Variants in GRIK5 observed in about 807,000 individuals in gnomAD.
GRIK5 encodes the protein glutamate receptor ionotropic, kainate 5.
Under a neutral mutation model 97.4 loss-of-function variants are expected in GRIK5, and 43 were observed. That is an observed-to-expected ratio of 0.44 (90% confidence interval 0.35 to 0.57). The LOEUF is 0.57. GRIK5 is among the 20% of genes least tolerant of loss of function. GRIK5 has a pLI of 0.01. For synonymous variants in GRIK5, 580 were observed against 583.5 expected, an observed-to-expected ratio of 0.99 and a Z score of 0.09; for missense variants, 1,015 against 1,382.0, an observed-to-expected ratio of 0.73 and a Z score of 4.21.
chr19:42,016,440 A>G (rs1599761483), intron 15 of GRIK5, among the ~76,000 whole-genome samples: 1 of 152,290 alleles, frequency 6.6e-6, no homozygotes, highest in East Asian at 1.9e-4. Flanking sequence ...AAAAATAAAA[A>G]CAAAACAACA....
chr19:42,060,139 C>A (rs1185930187), intron 5 of GRIK5, among the ~76,000 whole-genome samples: 2 of 152,004 alleles, frequency 1.3e-5, no homozygotes, highest in Non-Finnish European at 2.9e-5. Flanking sequence ...AAAGTCCTCA[C>A]AGCCTCCAAA....
In GRIK5 at chr19:42,042,231, C is replaced by T. The variant is rs1206908376; in HGVS notation, c.1473+321G>A. Among the ~76,000 whole-genome samples, 1 of 152,230 alleles carries T rather than the reference C, an allele frequency of 6.6e-6. No homozygotes were observed. The highest frequency in any genetic ancestry group is 1.5e-5 in the Non-Finnish European group (1 of 68,038). ...TTTGACCTCCTCAGACCTTTTCCTG[C>T]TCCCCACTCCATGTCTCTTTCATTC... On this transcript the variant is annotated intron_variant, in intron 12 of 19. Transcript: ENST00000593562. The surrounding 1 kb of genome is among the most constrained non-coding windows in gnomAD (Gnocchi z 6.9).
chr19:42,046,353 G>A (rs761379876), intron 11 of GRIK5, among the ~76,000 whole-genome samples: 2 of 152,172 alleles, frequency 1.3e-5, no homozygotes, highest in Admixed American at 6.5e-5. Flanking sequence ...TAGAGTCACA[G>A]ACTATCAGAA....
Position 42,065,002 on chromosome 19 carries a change from C to A in GRIK5, c.244+221G>T, listed in dbSNP as rs1000216271. Among the ~76,000 whole-genome samples the A allele has an allele frequency of 5.3e-5, 8 of 152,254 alleles. No homozygotes were observed. The highest frequency in any genetic ancestry group is 1.9e-4 in the African/African-American group (8 of 41,464). On this transcript the variant is annotated intron_variant, in intron 3 of 19. Transcript: ENST00000593562. This position sits in a 1 kb window ranked among gnomAD's most constrained non-coding sequence, Gnocchi z 5.8. ...TAGGGCTTATCTTTTCAACGCCGCC[C>A]CGTGCTCCTCCAGAGCAGAACTGGG...
rs1412508295 is a variant in GRIK5 at position 42,065,530 on chromosome 19, G to C, written c.80-143C>G. The stretch of plus-strand genomic sequence containing the variant: ...CTGGATCTGAGGTTGGTGGGAGCTA[G>C]GGGTCTGGACTCCTGGGTCCTGGGG... On this transcript the variant is annotated intron_variant, in intron 2 of 19. Transcript: ENST00000593562. This position sits in a 1 kb window ranked among gnomAD's most constrained non-coding sequence, Gnocchi z 5.8. The C allele has an allele frequency of 3.0e-6, 3 of 1,001,478 alleles. No homozygotes were observed. Among genetic ancestry groups the C allele is most frequent in the African/African-American group, 1.6e-5 (1 of 61,496 alleles). The allele number at this position is 1,001,478 out of a possible 1,614,324, so 62.0% of individuals were successfully genotyped here.
rs2076281032 is a variant in GRIK5, at chr19:42,062,983, A to C, written c.245-128T>G. The C allele has an allele frequency of 1.5e-6, 1 of 686,470 alleles. No individual in the cohort carries two copies. Among genetic ancestry groups the C allele is most frequent in the African/African-American group, 1.8e-5 (1 of 56,334 alleles). The allele number at this position is 686,470 out of a possible 1,614,324, so 42.5% of individuals were successfully genotyped here. ...GGCAACTGCCTGATCCTCTTCTGCC[A>C]TCCGGGACCCAGAAGGCCAGTCTCT... On this transcript the variant is annotated intron_variant, in intron 3 of 19. Transcript: ENST00000593562. The surrounding 1 kb of genome is among the most constrained non-coding windows in gnomAD (Gnocchi z 5.3).
intron 12 of GRIK5, among the ~76,000 whole-genome samples, chr19:42,023,378 T>A (rs1438917553): frequency 6.6e-6 from 1 of 152,130 alleles, no homozygotes; most frequent in Non-Finnish European, 1.5e-5. Flanking sequence ...GGAGCTTCCA[T>A]CCCCTTTGTT....
Position 42,062,513 on chromosome 19 carries a change from G to A in GRIK5, c.483C>T (p.Ala161=), listed in dbSNP as rs753898719. The A allele has an allele frequency of 1.9e-6, 3 of 1,614,148 alleles. No homozygotes were observed. Among genetic ancestry groups the A allele is most frequent in the Non-Finnish European group, 2.5e-6 (3 of 1,180,006 alleles). The change falls in exon 5 of 20, where the codon GCC becomes GCT. Residue 161 remains alanine, a synonymous_variant. Coordinates refer to ENST00000593562, the MANE Select transcript of GRIK5 (RefSeq NM_002088.5). The surrounding 1 kb of genome is among the most constrained non-coding windows in gnomAD (Gnocchi z 5.3). Reference sequence around the variant, plus strand: ...ACTCAGCCTTGGCGCAGATGAGGCTGGCCGAGGGGTAGTTGAAGGACTTGA... The same window carrying A: ...ACTCAGCCTTGGCGCAGATGAGGCTAGCCGAGGGGTAGTTGAAGGACTTGA... ...RILKSFNYPS[A]SLICAKAECL... is the part of the protein sequence containing the mutation.
In GRIK5 at chr19:42,069,520, C is replaced by CAAATGGAGGGGAAGGAGGGAG. The variant is rs2076393846; in HGVS notation, c.-351_-331dup. 7.4e-6 allele frequency: 1 copy of CAAATGGAGGGGAAGGAGGGAG among 135,784 alleles called. No homozygotes were observed. The highest frequency in any genetic ancestry group is 2.8e-5 in the African/African-American group (1 of 35,618). The allele number at this position is 135,784 out of a possible 1,614,324, so 8.4% of individuals were successfully genotyped here. ...GGGGAGAGAGGAGAGGGGGAAGGAG[C>CAAATGGAGGGGAAGGAGGGAG]AAATGGAGGGGAAGGAGGGAGGAAA... On this transcript the variant is annotated 5_prime_UTR_variant, in exon 1 of 20. Coordinates refer to ENST00000593562, the MANE Select transcript of GRIK5 (RefSeq NM_002088.5).
In GRIK5 at chr19:42,022,741, G is replaced by C. The variant is rs946067616; in HGVS notation, c.1474-387C>G. ...ACAGCACTCGAGATAATACAGGCCC[G>C]GACAGAACACAGAGCAGGGAGAGAG... On this transcript the variant is annotated intron_variant, in intron 12 of 19. Coordinates refer to ENST00000593562, the MANE Select transcript of GRIK5 (RefSeq NM_002088.5). This position sits in a 1 kb window ranked among gnomAD's most constrained non-coding sequence, Gnocchi z 4.2. 1 of 818,120 alleles carries C rather than the reference G, an allele frequency of 1.2e-6. No homozygotes were observed. The highest frequency in any genetic ancestry group is 1.9e-5 in the African/African-American group (1 of 53,560). The allele number at this position is 818,120 out of a possible 1,614,324, so 50.7% of individuals were successfully genotyped here.
At chr19:42,008,727 A>T (rs574891106) in intron 15 of GRIK5, among the ~76,000 whole-genome samples, 10 of 152,328 alleles carry the variant, frequency 6.6e-5, no homozygotes, top group African/African-American at 2.4e-4. Flanking sequence ...ATAGATGATG[A>T]CGGAATTAGC....
At chr19:42,061,152 AT>A (rs2076253930) in intron 5 of GRIK5, among the ~76,000 whole-genome samples, 1 of 152,132 alleles carries the variant, frequency 6.6e-6, no homozygotes, top group South Asian at 2.1e-4. Flanking sequence ...GGTTCACGCC[AT>A]TCTCCTGCCT....
chr19:42,035,608 G>T (rs1010391381), intron 12 of GRIK5, among the ~76,000 whole-genome samples: 1 of 152,136 alleles, frequency 6.6e-6, no homozygotes, highest in African/African-American at 2.4e-5. Flanking sequence ...TACTTGGGAG[G>T]CTGAGGCAGA....
chr19:42,014,609 C>T (rs2075603547), intron 15 of GRIK5, among the ~76,000 whole-genome samples: 2 of 151,940 alleles, frequency 1.3e-5, no homozygotes, highest in Admixed American at 1.3e-4. Flanking sequence ...ATGGTGAAAC[C>T]CTGCCTCTAC....
intron 10 of GRIK5, 44 bp downstream of exon 10, chr19:42,053,781 C>T (rs774159450): frequency 4.5e-6 from 7 of 1,558,560 alleles, no homozygotes; most frequent in Non-Finnish European, 6.2e-6. Flanking sequence ...CCCGCCCCCA[C>T]CCTCACCCCA....
chr19:42,030,766 C>T (rs143261769), intron 12 of GRIK5, among the ~76,000 whole-genome samples: 269 of 152,188 alleles, frequency 1.8e-3, no homozygotes, highest in Non-Finnish European at 2.4e-3. Context: ...ATCTGGCAAC[C>T]GGCGCTGTTT....
At chr19:42,001,975 G>C (rs558011920) in intron 19 of GRIK5, 34 of 608,558 alleles carry the variant, frequency 5.6e-5, no homozygotes, top group African/African-American at 5.5e-5. Flanking sequence ...TGGGGAGAAA[G>C]AGAAACCCAA....
chr19:42,058,685 G>C (rs1246836070), intron 6 of GRIK5, among the ~76,000 whole-genome samples: 1 of 150,622 alleles, frequency 6.6e-6, no homozygotes, highest in Admixed American at 6.6e-5. Flanking sequence ...AATTAGCCGA[G>C]TGTGGTGGCA....
chr19:42,039,722 A>G (rs1202280994), intron 12 of GRIK5, among the ~76,000 whole-genome samples: 1 of 152,126 alleles, frequency 6.6e-6, no homozygotes, highest in Non-Finnish European at 1.5e-5. Flanking sequence ...TAAAAATAGT[A>G]TAATCCCAGC....
Sources: allele counts gnomAD v4.1 joint callset (sites outside exome capture counted in the v4.1 genomes callset), GRCh38; gene constraint gnomAD v4.1.1; non-coding constraint Gnocchi (gnomAD v3.1); transcripts MANE v1.5; gene names NCBI Gene and HGNC (gene_info 2026-07-23, HGNC 2026-07-21).